Variants in MALRD1 observed in about 807,000 individuals in gnomAD.
MALRD1 encodes the protein MAM and LDL-receptor class A domain-containing protein 1.
A neutral mutation model predicts 242.1 loss-of-function variants in MALRD1; 247 were observed. The ratio of observed to expected loss-of-function variants is 1.02; its 90% CI spans 0.92 to 1.13. MALRD1 has a LOEUF of 1.13. MALRD1 is among the 50% of genes most tolerant of loss of function. MALRD1 has a pLI of 0.00. For synonymous variants in MALRD1, 995 were observed against 866.6 expected, an observed-to-expected ratio of 1.15 and a Z score of -2.60; for missense variants, 2,989 against 2,533.1, an observed-to-expected ratio of 1.18 and a Z score of -3.86.
chr10:19,204,555 G>C (rs2131616477), intron 16 of MALRD1, 142 bp downstream of exon 16: 2 of 633,792 alleles, frequency 3.2e-6, no homozygotes, highest in South Asian at 5.0e-5. Flanking sequence ...AAATTCATAT[G>C]ATTTTAATTT....
chr10:19,687,713 A>G (rs1014003422), intron 36 of MALRD1, among the ~76,000 whole-genome samples: 2 of 152,200 alleles, frequency 1.3e-5, no homozygotes, highest in Admixed American at 1.3e-4. Context: ...TACTATTGAG[A>G]AAGTTGGTAC....
At chr10:19,589,963 A>G (rs1837676155) in intron 33 of MALRD1, among the ~76,000 whole-genome samples, 1 of 152,162 alleles carries the variant, frequency 6.6e-6, no homozygotes, top group Non-Finnish European at 1.5e-5. Flanking sequence ...GAAGCTAACT[A>G]CTGTCAGGAC....
chr10:19,082,913 G>A (rs980535776), intron 2 of MALRD1, among the ~76,000 whole-genome samples: 1 of 152,142 alleles, frequency 6.6e-6, no homozygotes, highest in Non-Finnish European at 1.5e-5. Flanking sequence ...CAGTTCTATA[G>A]GCTGGGAAGT....
intron 32 of MALRD1, among the ~76,000 whole-genome samples, chr10:19,545,997 G>T (rs1032075524): frequency 2.6e-5 from 4 of 152,096 alleles, no homozygotes. Flanking sequence ...AGGTATGACT[G>T]ACACCCAAAT....
At chr10:19,421,356 A>T (rs1042136934) in intron 28 of MALRD1, among the ~76,000 whole-genome samples, 2 of 152,174 alleles carry the variant, frequency 1.3e-5, no homozygotes, top group Non-Finnish European at 2.9e-5. Flanking sequence ...TTCCAATGCT[A>T]GCTTTGGAGA....
chr10:19,214,014 T>C (rs1214893600), intron 18 of MALRD1, among the ~76,000 whole-genome samples: 1 of 152,196 alleles, frequency 6.6e-6, no homozygotes, highest in African/African-American at 2.4e-5. Context: ...GCATGTGTAC[T>C]GTTACTTTTC....
chr10:19,442,085 CTT>C (rs1209938786), intron 28 of MALRD1, among the ~76,000 whole-genome samples: 2 of 152,098 alleles, frequency 1.3e-5, no homozygotes, highest in Non-Finnish European at 2.9e-5. Flanking sequence ...ATTTTATTCT[CTT>C]TGAAGCAATT....
intron 26 of MALRD1, among the ~76,000 whole-genome samples, chr10:19,385,864 A>C (rs1331366961): frequency 6.6e-6 from 1 of 151,988 alleles, no homozygotes; most frequent in Non-Finnish European, 1.5e-5. Flanking sequence ...ATTTATCACT[A>C]TACACTTCCC....
At chr10:19,595,521 G>A (rs1838048181) in intron 34 of MALRD1, 64 bp downstream of exon 34, 5 of 1,461,080 alleles carry the variant, frequency 3.4e-6, no homozygotes, top group Admixed American at 4.5e-5. Flanking sequence ...GAGAAAGAAA[G>A]CTCGACAGAT....
At chr10:19,117,783 A>G (rs1189953552) in intron 5 of MALRD1, among the ~76,000 whole-genome samples, 2 of 152,236 alleles carry the variant, frequency 1.3e-5, no homozygotes, top group African/African-American at 4.8e-5. Context: ...CAATTGCTTC[A>G]GTTTTATCAC....
Position 19,394,513 on chromosome 10 carries a change from T to G in MALRD1, c.4845+4904T>G, listed in dbSNP as rs147420192. ...CTTCCTTTGATTACGTAAAAGACTGTGGTCATTCTGGGTCCACTTTTAACT... is the reference window on the plus strand; with the variant it reads ...CTTCCTTTGATTACGTAAAAGACTGGGGTCATTCTGGGTCCACTTTTAACT... On this transcript the variant is annotated intron_variant, in intron 28 of 39. Transcript: ENST00000454679. Among the ~76,000 whole-genome samples the G allele has an allele frequency of 6.9e-3, 1,051 of 152,266 alleles. 15 individuals carry two copies. Among genetic ancestry groups the G allele is most frequent in the African/African-American group, 0.024 (983 of 41,540 alleles).
chr10:19,225,249 G>A (rs1003352192), intron 18 of MALRD1, among the ~76,000 whole-genome samples: 6 of 152,268 alleles, frequency 3.9e-5, no homozygotes, highest in Admixed American at 3.3e-4. Context: ...TGATCCTTGA[G>A]TTCAGTCTCC....
chr10:19,333,507 G>A (rs1432496604), intron 24 of MALRD1, among the ~76,000 whole-genome samples: 1 of 152,132 alleles, frequency 6.6e-6, no homozygotes, highest in East Asian at 1.9e-4. Context: ...GTATTATTCC[G>A]TGGTGTATAT....
intron 36 of MALRD1, among the ~76,000 whole-genome samples, chr10:19,664,465 A>C (rs1215222904): frequency 2.6e-5 from 4 of 151,870 alleles, no homozygotes; most frequent in African/African-American, 9.7e-5. Flanking sequence ...CTTTCCTAGT[A>C]ATTCTGATGA....
intron 29 of MALRD1, among the ~76,000 whole-genome samples, chr10:19,474,711 G>C (rs1836649432): frequency 6.6e-6 from 1 of 151,956 alleles, no homozygotes; most frequent in African/African-American, 2.4e-5. Flanking sequence ...GTTCTTAAAA[G>C]AATGCTGGCC....
intron 31 of MALRD1, among the ~76,000 whole-genome samples, chr10:19,499,445 GA>G (rs869219398): frequency 0.024 from 2,804 of 116,596 alleles, 29 homozygotes; most frequent in East Asian, 0.076. Flanking sequence ...GGCCTGAATA[GA>G]AAAAAAAAAA....
chr10:19,203,529 T>C (rs1184332982), intron 14 of MALRD1, among the ~76,000 whole-genome samples, 199 bp from the exon 15 acceptor site: 1 of 152,250 alleles, frequency 6.6e-6, no homozygotes, highest in Non-Finnish European at 1.5e-5. Flanking sequence ...GAATTCTGCC[T>C]TCTCGATCTC....
chr10:19,556,608 T>C (rs1478188818), intron 32 of MALRD1, among the ~76,000 whole-genome samples: 1 of 152,180 alleles, frequency 6.6e-6, no homozygotes, highest in Non-Finnish European at 1.5e-5. Flanking sequence ...CATTTACTTA[T>C]TGCAGAATAA....
chr10:19,404,906 G>T (rs1847024417), intron 28 of MALRD1, among the ~76,000 whole-genome samples: 1 of 152,044 alleles, frequency 6.6e-6, no homozygotes, highest in Admixed American at 6.6e-5. Context: ...GAAATTCTAT[G>T]CACAGAGAAG....
Sources: allele counts gnomAD v4.1 joint callset (sites outside exome capture counted in the v4.1 genomes callset), GRCh38; gene constraint gnomAD v4.1.1; transcripts MANE v1.5; gene names NCBI Gene and HGNC (gene_info 2026-07-23, HGNC 2026-07-21).